The following IQSEC2 variants were observed in gnomAD, a reference collection of about 807,000 sequenced individuals.
IQSEC2 encodes IQ motif and SEC7 domain-containing protein 2.
IQSEC2 carries 6 observed loss-of-function variants against 74.6 expected under a neutral mutation model. The ratio of observed to expected loss-of-function variants is 0.08; its 90% CI spans 0.04 to 0.16. IQSEC2 has a LOEUF of 0.16. Among genes scored for constraint, IQSEC2 ranks in the 10% least tolerant of loss-of-function variants. IQSEC2 has a pLI of 1.00. For missense variants in IQSEC2, 734 were observed against 1,306.2 expected, an observed-to-expected ratio of 0.56 and a Z score of 6.75; for synonymous variants, 494 against 544.5, an observed-to-expected ratio of 0.91 and a Z score of 1.29.
At chrX:53,316,610 C>T (rs2075375300) in intron 1 of IQSEC2, among the ~76,000 whole-genome samples, 1 of 111,211 alleles carries the variant, frequency 9.0e-6, no homozygotes, top group South Asian at 3.8e-4. Context: ...CGCTTGAGCC[C>T]AGGAGTTTGA....
chrX:53,265,989 A>G (rs1461767578), intron 2 of IQSEC2, among the ~76,000 whole-genome samples: 1 of 112,482 alleles, frequency 8.9e-6, no homozygotes, highest in Non-Finnish European at 1.9e-5. Context: ...TCACTGAATC[A>G]TTGTCTATTA....
At chrX:53,244,957 C>CCA (rs1162702556) in intron 8 of IQSEC2, among the ~76,000 whole-genome samples, 27 of 107,438 alleles carry the variant, frequency 2.5e-4, no homozygotes, top group Middle Eastern at 4.7e-3. Flanking sequence ...ACACACACAC[C>CCA]CACACACACA....
chrX:53,235,683 G>T, intron 14 of IQSEC2, 100 bp downstream of exon 14: 1 of 911,432 alleles, frequency 1.1e-6, no homozygotes, highest in Non-Finnish European at 1.6e-6. Context: ...ATGGTTCCCA[G>T]CAGGGAAGAG....
intron 2 of IQSEC2, among the ~76,000 whole-genome samples, chrX:53,271,180 C>T (rs1372185726): frequency 8.9e-6 from 1 of 112,046 alleles, no homozygotes; most frequent in African/African-American, 3.2e-5. Context: ...GCACCTCCTC[C>T]CCCATCTCTA....
At chrX:53,249,930 C>T (rs2074359862) in intron 5 of IQSEC2, among the ~76,000 whole-genome samples, 1 of 111,594 alleles carries the variant, frequency 9.0e-6, no homozygotes, top group Non-Finnish European at 1.9e-5. Context: ...ACTGAGGGGG[C>T]CAGGTCTCCT....
At chrX:53,313,050 G>A (rs1344799504) in intron 1 of IQSEC2, among the ~76,000 whole-genome samples, 1 of 112,514 alleles carries the variant, frequency 8.9e-6, no homozygotes, top group Non-Finnish European at 1.9e-5. Context: ...GATCAGCCGT[G>A]TAGCTCTGGC....
chrX:53,287,294 C>T (rs1208550306), intron 2 of IQSEC2, among the ~76,000 whole-genome samples: 1 of 112,299 alleles, frequency 8.9e-6, no homozygotes, highest in Non-Finnish European at 1.9e-5. Flanking sequence ...TAAGCAAAAT[C>T]GCATAAAGAA....
intron 13 of IQSEC2, 78 bp from the exon 14 acceptor site, chrX:53,235,910 A>G (rs2074120573): frequency 3.0e-6 from 3 of 991,384 alleles, no homozygotes; most frequent in Non-Finnish European, 4.1e-6. Context: ...GCTGGGCACC[A>G]GGACTGGGCC....
chrX:53,314,357 C>T (rs1441241443), intron 1 of IQSEC2, among the ~76,000 whole-genome samples: 3 of 112,309 alleles, frequency 2.7e-5, no homozygotes, highest in African/African-American at 9.7e-5. Flanking sequence ...ACCTGACACA[C>T]AAAATGCACT....
intron 1 of IQSEC2, among the ~76,000 whole-genome samples, chrX:53,312,739 T>A (rs782609723): frequency 5.8e-4 from 65 of 112,356 alleles, no homozygotes; most frequent in Non-Finnish European, 1.1e-3. Flanking sequence ...GCCTCTCAGA[T>A]TTATAAGAAA....
chrX:53,317,718 C>G (rs2075391974), intron 1 of IQSEC2, among the ~76,000 whole-genome samples: 1 of 112,433 alleles, frequency 8.9e-6, no homozygotes, highest in African/African-American at 3.2e-5. Context: ...TAGCCTCCCC[C>G]AATGCTGCAG....
intron 8 of IQSEC2, among the ~76,000 whole-genome samples, chrX:53,245,861 T>A (rs1358188980): frequency 1.1e-5 from 1 of 90,810 alleles, no homozygotes; most frequent in Non-Finnish European, 2.0e-5. Context: ...AATTGTTCTT[T>A]TTTTTTTTTT....
chrX:53,230,908 A>G (rs1556858323), downstream of IQSEC2: 1 of 111,995 alleles, frequency 8.9e-6, no homozygotes, highest in East Asian at 2.8e-4. Context: ...TGGACAGCCC[A>G]GCGCTGGGAC....
chrX:53,270,045 G>C lies in IQSEC2; in HGVS notation c.738-13984C>G, dbSNP rs782761448. 2.7e-5 allele frequency among the ~76,000 whole-genome samples: 3 copies of C among 110,416 alleles called. No individual in the cohort carries two copies. In the East Asian group the frequency reaches 8.6e-4, roughly 32 times the overall value. On this transcript the variant is annotated intron_variant, in intron 2 of 14. Transcript: ENST00000642864. ...ATTCCATTTCATAACTTCAGGTGTA[G>C]ATCCCTCTCCTGGGTCCCGGACCCG...
intron 1 of IQSEC2, among the ~76,000 whole-genome samples, chrX:53,302,997 G>A (rs1182847331): frequency 9.0e-6 from 1 of 111,459 alleles, no homozygotes; most frequent in East Asian, 2.8e-4. Context: ...CAGCCCAAGA[G>A]TTTGAGACAA....
intron 1 of IQSEC2, among the ~76,000 whole-genome samples, chrX:53,304,895 A>G (rs2075245394): frequency 8.9e-6 from 1 of 111,738 alleles, no homozygotes; most frequent in Admixed American, 9.5e-5. Context: ...TAATCCAAAT[A>G]ATCATAAAGT....
chrX:53,300,029 G>T (rs1387404706), intron 1 of IQSEC2, among the ~76,000 whole-genome samples: 1 of 111,200 alleles, frequency 9.0e-6, no homozygotes, highest in Non-Finnish European at 1.9e-5. Context: ...CAAAGTTGGG[G>T]GGGGAATTAC....
At position 53,281,481 on chromosome X, in the gene IQSEC2, G is replaced by A. The variant is rs782349723; in HGVS notation, c.737+10414C>T. 1.3e-4 allele frequency: 133 copies of A among 1,027,861 alleles called. 2 individuals are homozygous for A. The African/African-American group carries it at 1.9e-3, about 15-fold the overall frequency. The allele number at this position is 1,027,861 out of a possible 1,213,427, so 84.7% of individuals were successfully genotyped here. A position where few individuals can be genotyped will look rare whatever the true frequency, so the allele number is the denominator to read the frequency against. The stretch of plus-strand genomic sequence containing the variant: ...AGGAAGGGAGGGGGCCAGGCTGCGG[G>A]GCCCAGGTTCCTACCTGCTGCTCCT... On this transcript the variant is annotated intron_variant, in intron 2 of 14. Coordinates refer to ENST00000642864, the MANE Select transcript of IQSEC2 (RefSeq NM_001111125.3).
chrX:53,235,253 CT>C, intron 14 of IQSEC2, 69 bp from the exon 15 acceptor site: 5 of 1,147,390 alleles, frequency 4.4e-6, no homozygotes, highest in Non-Finnish European at 5.8e-6. Flanking sequence ...AATTCCACCC[CT>C]GTCCCTGAGG....
Sources: allele counts gnomAD v4.1 joint callset (sites outside exome capture counted in the v4.1 genomes callset), GRCh38; gene constraint gnomAD v4.1.1; transcripts MANE v1.5; gene names NCBI Gene and HGNC (gene_info 2026-07-23, HGNC 2026-07-21).